Variants in FHIT observed in about 807,000 individuals in gnomAD.
FHIT encodes the protein fragile histidine triad diadenosine triphosphatase, also known as bis(5'-adenosyl)-triphosphatase.
Under a neutral mutation model 17.9 loss-of-function variants are expected in FHIT, and 19 were observed. The observed-to-expected ratio is 1.06, with a 90% CI of 0.74 to 1.56. The LOEUF is 1.56. FHIT is among the 40% of genes most tolerant of loss of function. The pLI is 0.00. For missense variants in FHIT, 248 were observed against 189.2 expected (o/e 1.31, Z -1.82); for synonymous variants, 81 against 69.7 (o/e 1.16, Z -0.81).
chr3:60,447,080 T>C (rs1227555057), intron 5 of FHIT, among the ~76,000 whole-genome samples: 1 of 152,016 alleles, frequency 6.6e-6, no homozygotes, highest in Non-Finnish European at 1.5e-5. Flanking sequence ...TTTTCTCAAC[T>C]GCTCCTTGAG....
At chr3:60,129,382 A>T (rs1287718295) in intron 5 of FHIT, among the ~76,000 whole-genome samples, 1 of 152,050 alleles carries the variant, frequency 6.6e-6, no homozygotes, top group African/African-American at 2.4e-5. Flanking sequence ...TTACATTTCT[A>T]CATCTGCTTC....
At position 59,752,234 on chromosome 3, in the gene FHIT, A is replaced by C; in HGVS notation, c.436T>G (p.Phe146Val). ...TGCAGTCTTTACCTGTGTCACTGAA[A>C]GTAGACCCGCAGAGCTGCGGCTTCT... ...AAEAAALRVYFQ is the reference protein window; with the variant it reads ...AAEAAALRVYVQ Residue 146 changes from phenylalanine to valine, a missense_variant, in exon 9 of 10, where the codon TTT becomes GTT. Transcript: ENST00000492590. 1.9e-6 allele frequency: 3 copies of C among 1,612,484 alleles called. No individual in the cohort carries two copies. Among genetic ancestry groups the C allele is most frequent in the Non-Finnish European group, 2.5e-6 (3 of 1,178,976 alleles).
rs150505737 is a variant in FHIT at position 60,230,493 on chromosome 3, C to T, written c.104-216341G>A. Among the ~76,000 whole-genome samples, 1,164 of 152,082 alleles carry T rather than the reference C, an allele frequency of 7.7e-3. 6 individuals carry two copies. The highest frequency in any genetic ancestry group is 0.012 in the Non-Finnish European group (813 of 67,998). ...ATTTTCCAGAAAAAAAATCACTTTCCGAGACTCCTTATTTTTAAAAATCGC... is the reference window on the plus strand; with the variant it reads ...ATTTTCCAGAAAAAAAATCACTTTCTGAGACTCCTTATTTTTAAAAATCGC... On this transcript the variant is annotated intron_variant, in intron 5 of 9. Transcript: ENST00000492590.
At chr3:61,178,819 A>AAATG (rs1413251783) in intron 2 of FHIT, among the ~76,000 whole-genome samples, 2 of 151,998 alleles carry the variant, frequency 1.3e-5, no homozygotes, top group African/African-American at 4.8e-5. Context: ...TTGCACAAAC[A>AAATG]AATGGTGTGG....
At chr3:60,846,494 A>G (rs1308303468) in intron 3 of FHIT, among the ~76,000 whole-genome samples, 2 of 152,254 alleles carry the variant, frequency 1.3e-5, no homozygotes, top group African/African-American at 2.4e-5. Context: ...CAAACTTACC[A>G]TTGAAGATCA....
intron 5 of FHIT, among the ~76,000 whole-genome samples, chr3:60,372,868 T>A (rs1007191528): frequency 3.3e-5 from 5 of 152,188 alleles, no homozygotes; most frequent in African/African-American, 1.2e-4. Context: ...GTTCAGTATA[T>A]TCAGAGTGGA....
intron 5 of FHIT, among the ~76,000 whole-genome samples, chr3:60,187,325 T>C (rs1302923303): frequency 2.0e-5 from 3 of 152,140 alleles, no homozygotes; most frequent in Non-Finnish European, 4.4e-5. Context: ...CCACACGTAA[T>C]ACAGAATTGA....
At chr3:60,528,168 G>C (rs376199573) in intron 5 of FHIT, among the ~76,000 whole-genome samples, 43 of 152,194 alleles carry the variant, frequency 2.8e-4, no homozygotes, top group African/African-American at 1.0e-3. Flanking sequence ...AAAGGGTCTA[G>C]CTATGCTGCC....
intron 3 of FHIT, among the ~76,000 whole-genome samples, chr3:61,039,142 A>G (rs1443226894): frequency 2.0e-5 from 3 of 152,182 alleles, no homozygotes; most frequent in African/African-American, 7.2e-5. Flanking sequence ...ATTGGCCGCA[A>G]TTTCCAAGAT....
intron 1 of FHIT, among the ~76,000 whole-genome samples, chr3:61,230,876 T>G: frequency 6.6e-6 from 1 of 152,186 alleles, no homozygotes; most frequent in East Asian, 1.9e-4. Context: ...CTATTAAATT[T>G]GATTCCTACA....
intron 4 of FHIT, among the ~76,000 whole-genome samples, chr3:60,714,989 C>G (rs1553706303): frequency 2.0e-5 from 3 of 152,102 alleles, no homozygotes; most frequent in African/African-American, 7.2e-5. Context: ...CAATCCTAAG[C>G]CAAAAGAACA....
chr3:60,491,206 T>C (rs13079397), intron 5 of FHIT, among the ~76,000 whole-genome samples: 6,550 of 152,194 alleles, frequency 0.043, 164 homozygotes, highest in South Asian at 0.091. Context: ...AACAAGTCTA[T>C]TTACATTTCA....
At chr3:61,177,382 T>A (rs1324074434) in intron 2 of FHIT, among the ~76,000 whole-genome samples, 1 of 152,172 alleles carries the variant, frequency 6.6e-6, no homozygotes, top group Non-Finnish European at 1.5e-5. Flanking sequence ...CTTCTTAGTT[T>A]ATACTCTCCA....
intron 5 of FHIT, among the ~76,000 whole-genome samples, chr3:60,114,154 T>C (rs1387336508): frequency 1.4e-5 from 2 of 147,850 alleles, no homozygotes; most frequent in Non-Finnish European, 3.0e-5. Context: ...ACCTTTTATG[T>C]AAATTACTTA....
intron 3 of FHIT, among the ~76,000 whole-genome samples, chr3:60,903,738 T>C (rs944081732): frequency 6.6e-6 from 1 of 152,196 alleles, no homozygotes; most frequent in Admixed American, 6.5e-5. Flanking sequence ...AATTCAGCTA[T>C]TTGGTGTCTT....
chr3:60,187,120 T>A (rs779781196), intron 5 of FHIT, among the ~76,000 whole-genome samples: 1 of 152,186 alleles, frequency 6.6e-6, no homozygotes, highest in East Asian at 1.9e-4. Context: ...TCAAATGGTA[T>A]ACATTGTGAT....
intron 3 of FHIT, among the ~76,000 whole-genome samples, chr3:60,910,126 C>G (rs1260751760): frequency 6.6e-6 from 1 of 152,126 alleles, no homozygotes; most frequent in African/African-American, 2.4e-5. Context: ...AATTGAGGTG[C>G]CCCATCTCTC....
intron 5 of FHIT, among the ~76,000 whole-genome samples, chr3:60,024,589 T>A (rs1030104552): frequency 1.3e-5 from 2 of 152,188 alleles, no homozygotes; most frequent in Non-Finnish European, 2.9e-5. Flanking sequence ...GGTACAGTCA[T>A]CCTCTCCCTT....
At chr3:60,425,268 T>C (rs1226311774) in intron 5 of FHIT, among the ~76,000 whole-genome samples, 1 of 152,138 alleles carries the variant, frequency 6.6e-6, no homozygotes, top group Non-Finnish European at 1.5e-5. Flanking sequence ...TGGTTGGCAC[T>C]AATAGAGAAG....
Sources: allele counts gnomAD v4.1 joint callset (sites outside exome capture counted in the v4.1 genomes callset), GRCh38; gene constraint gnomAD v4.1.1; transcripts MANE v1.5; gene names NCBI Gene and HGNC (gene_info 2026-07-23, HGNC 2026-07-21).